PLPPR1: variants seen among roughly 807,000 people sequenced by gnomAD.
PLPPR1 encodes phospholipid phosphatase-related protein type 1.
In PLPPR1, 10 loss-of-function variants were observed where a neutral mutation model predicts 33.1. That is an observed-to-expected ratio of 0.30 (90% CI 0.19 to 0.51). The LOEUF (loss-of-function observed/expected upper bound fraction) is 0.51. PLPPR1 is among the 20% of genes least tolerant of loss of function. The pLI, the probability that PLPPR1 is intolerant of heterozygous loss-of-function variation, is 0.97. For missense variants in PLPPR1, 304 were observed against 408.1 expected (o/e 0.74, Z 2.20); for synonymous variants, 151 against 151.0 (o/e 1.00, Z 0.00).
At position 101,324,468 on chromosome 9, in the gene PLPPR1, A is replaced by C. The variant is rs1311854146; in HGVS notation, c.*411A>C. 1 of 157,286 alleles carries C rather than the reference A, an allele frequency of 6.4e-6. No individual in the cohort carries two copies. Among genetic ancestry groups the C allele is most frequent in the African/African-American group, 2.4e-5 (1 of 41,658 alleles). The allele number at this position is 157,286 out of a possible 1,614,324, so 9.7% of individuals were successfully genotyped here. A position where few individuals can be genotyped will look rare whatever the true frequency, so the allele number is the denominator to read the frequency against. Reference sequence around the variant, plus strand: ...GAATTTTTGAATTTTAATAAAAGGCAAACTTTTGAGCTGCAGGAAGGACAA... The same window carrying C: ...GAATTTTTGAATTTTAATAAAAGGCCAACTTTTGAGCTGCAGGAAGGACAA... On this transcript the variant is annotated 3_prime_UTR_variant, in exon 8 of 8. Coordinates refer to ENST00000374874, the MANE Select transcript of PLPPR1 (RefSeq NM_207299.2).
At chr9:101,067,613 C>T (rs1003640430) in intron 1 of PLPPR1, among the ~76,000 whole-genome samples, 8 of 151,948 alleles carry the variant, frequency 5.3e-5, no homozygotes, top group East Asian at 1.9e-4. Flanking sequence ...TTTATTCTGC[C>T]GAGAGAGGTC....
chr9:101,294,506 G>A (rs968352567), intron 4 of PLPPR1, among the ~76,000 whole-genome samples: 2 of 152,016 alleles, frequency 1.3e-5, no homozygotes, highest in Non-Finnish European at 2.9e-5. Context: ...CAAAAAAAGA[G>A]AATTTTAGAC....
chr9:101,091,394 G>A (rs79165411), intron 1 of PLPPR1, among the ~76,000 whole-genome samples: 8,097 of 152,272 alleles, frequency 0.053, 381 homozygotes, highest in African/African-American at 0.12. Flanking sequence ...AAGTCAAGAT[G>A]TTGGCAGGGC....
At chr9:101,050,911 T>A (rs2118443439) in intron 1 of PLPPR1, among the ~76,000 whole-genome samples, 1 of 152,302 alleles carries the variant, frequency 6.6e-6, no homozygotes, top group East Asian at 1.9e-4. Context: ...ATCCATCGGC[T>A]CTTACCCAGT....
intron 1 of PLPPR1, among the ~76,000 whole-genome samples, chr9:101,167,827 G>C (rs779472627): frequency 7.9e-5 from 12 of 152,114 alleles, no homozygotes; most frequent in Admixed American, 3.3e-4. Flanking sequence ...GTATTAGTCT[G>C]TTCTCACACT....
At chr9:101,189,532 G>A (rs901996224) in intron 2 of PLPPR1, among the ~76,000 whole-genome samples, 1 of 152,082 alleles carries the variant, frequency 6.6e-6, no homozygotes, top group East Asian at 1.9e-4. Context: ...TGAGTTGGGG[G>A]GTTAAATCCT....
chr9:101,095,377 T>C (rs935340527), intron 1 of PLPPR1, among the ~76,000 whole-genome samples: 2 of 152,174 alleles, frequency 1.3e-5, no homozygotes, highest in Non-Finnish European at 2.9e-5. Context: ...TTGTCCTTAC[T>C]ACTCCTTGGA....
At chr9:101,208,269 A>G (rs949476450) in intron 2 of PLPPR1, among the ~76,000 whole-genome samples, 2 of 150,926 alleles carry the variant, frequency 1.3e-5, no homozygotes, top group African/African-American at 4.9e-5. Flanking sequence ...TCCACTGGAT[A>G]GAAGCAAAGG....
intron 1 of PLPPR1, among the ~76,000 whole-genome samples, chr9:101,096,855 A>G: frequency 6.6e-6 from 1 of 152,156 alleles, no homozygotes; most frequent in Non-Finnish European, 1.5e-5. Flanking sequence ...GCTTGAGCCC[A>G]GGAGTTTGAA....
chr9:101,291,711 C>G (rs934261434), intron 4 of PLPPR1, among the ~76,000 whole-genome samples: 1 of 152,212 alleles, frequency 6.6e-6, no homozygotes, highest in African/African-American at 2.4e-5. Flanking sequence ...CAAACTCCAA[C>G]AGACCCGCAG....
chr9:101,262,311 T>TC, intron 2 of PLPPR1, among the ~76,000 whole-genome samples: 1 of 152,210 alleles, frequency 6.6e-6, no homozygotes, highest in East Asian at 1.9e-4. Flanking sequence ...ACAGCTGGTT[T>TC]CCAACCTAGG....
intron 1 of PLPPR1, chr9:101,185,151 A>G (rs1278607291): frequency 4.4e-6 from 1 of 228,442 alleles, no homozygotes; most frequent in Non-Finnish European, 8.4e-6. Flanking sequence ...AGGGCAGTCT[A>G]CTGGGGTAAG....
intron 1 of PLPPR1, among the ~76,000 whole-genome samples, chr9:101,089,271 A>G (rs1830714299): frequency 6.6e-6 from 1 of 151,178 alleles, no homozygotes; most frequent in African/African-American, 2.4e-5. Context: ...AATACATAGT[A>G]AGTAATAAAG....
intron 4 of PLPPR1, among the ~76,000 whole-genome samples, chr9:101,305,546 T>A (rs776766905): frequency 6.6e-6 from 1 of 152,176 alleles, no homozygotes; most frequent in African/African-American, 2.4e-5. Flanking sequence ...AACATGGTCC[T>A]TCCTTTGCTC....
At chr9:101,058,888 ATAAAT>A (rs762906227) in intron 1 of PLPPR1, among the ~76,000 whole-genome samples, 2 of 152,152 alleles carry the variant, frequency 1.3e-5, no homozygotes, top group Non-Finnish European at 2.9e-5. Flanking sequence ...TTATGGATGA[ATAAAT>A]TAAGGCTCAA....
chr9:101,300,334 C>T (rs1828729646), intron 4 of PLPPR1, among the ~76,000 whole-genome samples: 1 of 152,054 alleles, frequency 6.6e-6, no homozygotes, highest in Admixed American at 6.6e-5. Flanking sequence ...CCACCACACC[C>T]AGCTAATTTT....
intron 3 of PLPPR1, among the ~76,000 whole-genome samples, chr9:101,279,192 A>T (rs182237996): frequency 2.0e-5 from 3 of 152,224 alleles, no homozygotes; most frequent in African/African-American, 7.2e-5. Context: ...ATACAAGTAA[A>T]TGAGGAAAAC....
intron 2 of PLPPR1, among the ~76,000 whole-genome samples, chr9:101,217,037 G>A (rs1399484218): frequency 1.3e-5 from 2 of 152,134 alleles, no homozygotes; most frequent in East Asian, 3.9e-4. Flanking sequence ...AATTGGAGTT[G>A]TGATTCTCAA....
At chr9:101,090,224 CA>C in intron 1 of PLPPR1, among the ~76,000 whole-genome samples, 1 of 152,084 alleles carries the variant, frequency 6.6e-6, no homozygotes, top group Non-Finnish European at 1.5e-5. Context: ...GATAAATCTG[CA>C]AAGACCCCGT....
Sources: gnomAD v4.1 joint callset for allele counts (sites outside exome capture counted in the v4.1 genomes callset) on GRCh38, gnomAD v4.1.1 for gene constraint, MANE v1.5 for transcripts, NCBI Gene and HGNC (gene_info 2026-07-23, HGNC 2026-07-21) for gene names.